The following SNX17 variants were observed in gnomAD, a reference collection of about 807,000 sequenced individuals.
SNX17 encodes the protein sorting nexin 17, also known as sorting nexin-17.
In SNX17, 35 loss-of-function variants were observed where a neutral mutation model predicts 64.3. That is an observed-to-expected ratio of 0.54 (90% confidence interval 0.42 to 0.72). The LOEUF is 0.72. SNX17 is among the 30% of genes least tolerant of loss of function. The probability of loss-of-function intolerance (pLI) is 0.00; values close to 1 mark genes in which losing one functional copy is unlikely to be tolerated. For missense variants in SNX17, 538 were observed against 610.0 expected, an observed-to-expected ratio of 0.88 and a Z score of 1.24; for synonymous variants, 259 against 230.2, an observed-to-expected ratio of 1.13 and a Z score of -1.13.
At chr2:27,376,204 G>C in intron 12 of SNX17, 21 bp downstream of exon 12, 2 of 1,613,912 alleles carry the variant, frequency 1.2e-6, no homozygotes, top group Non-Finnish European at 1.7e-6. Flanking sequence ...AGTGTGGACT[G>C]AGCAGTGAGC....
rs1361380486 is a variant in SNX17, at chr2:27,370,732, G to A, written c.-12G>A. ...ACAGTCCGGAGCCCGGCCGTGCCGT[G>A]CCGTAGGGAACATGCACTTTTCCAT... On this transcript the variant is annotated 5_prime_UTR_variant, in exon 1 of 15. Coordinates refer to ENST00000233575, the MANE Select transcript of SNX17 (RefSeq NM_014748.4). 1.3e-6 allele frequency: 2 copies of A among 1,547,740 alleles called. No individual in the cohort carries two copies. Among genetic ancestry groups the A allele is most frequent in the Admixed American group, 2.0e-5 (1 of 50,878 alleles).
intron 8 of SNX17, 90 bp from the exon 9 acceptor site, chr2:27,374,971 A>G (rs1683023182): frequency 1.6e-6 from 2 of 1,234,318 alleles, no homozygotes; most frequent in South Asian, 2.4e-5. Flanking sequence ...GTGTGGGGCT[A>G]GGGGTCAGGC....
chr2:27,373,813 G>A (rs1048166645), intron 4 of SNX17, 48 bp from the exon 5 acceptor site: 6 of 1,446,970 alleles, frequency 4.1e-6, no homozygotes, highest in Admixed American at 1.7e-5. Context: ...CATAGGTCAA[G>A]GCAAGGGACA....
At position 27,375,995 on chromosome 2, in the gene SNX17, C is replaced by G. The variant is rs909208156; in HGVS notation, c.1104+24C>G. 1.2e-6 allele frequency: 2 copies of G among 1,613,946 alleles called. No individual in the cohort carries two copies. The highest frequency in any genetic ancestry group is 1.3e-5 in the African/African-American group (1 of 75,030). ...AGGTGTGAACCTACCCTCAGCCCTC[C>G]TCTGGAGCACCTTAAAGTGTAGAGT... is the stretch of plus-strand genomic sequence containing the variant. On this transcript the variant is annotated intron_variant, in intron 11 of 14. Transcript: ENST00000233575. This position sits in a 1 kb window ranked among gnomAD's most constrained non-coding sequence, Gnocchi z 4.1.
chr2:27,374,765 T>C lies in SNX17; in HGVS notation c.681+7T>C. On this transcript the variant is annotated splice_region_variant and intron_variant, in intron 8 of 14. Coordinates refer to ENST00000233575, the MANE Select transcript of SNX17 (RefSeq NM_014748.4). The stretch of plus-strand genomic sequence containing the variant: ...GAACCTGCTTTATGCTCAGGTGAGC[T>C]TGGAGCTGCCTCAGAACCCTTCCCC... The C allele has an allele frequency of 6.2e-7, 1 of 1,613,678 alleles. No individual in the cohort carries two copies. The highest frequency in any genetic ancestry group is 1.6e-4 in the Middle Eastern group (1 of 6,062).
Position 27,370,747 on chromosome 2 carries a change from C to A in SNX17, c.4C>A (p.His2Asn). 1 of 1,549,460 alleles carries A rather than the reference C, an allele frequency of 6.5e-7. No individual in the cohort carries two copies. Among genetic ancestry groups the A allele is most frequent in the East Asian group, 2.4e-5 (1 of 40,974 alleles). Residue 2 changes from histidine (H) to asparagine (N), a missense_variant, in exon 1 of 15, where the codon CAC becomes AAC. Coordinates refer to ENST00000233575, the MANE Select transcript of SNX17 (RefSeq NM_014748.4). M[H>N]FSIPETESRS... The stretch of plus-strand genomic sequence containing the variant: ...GCCGTGCCGTGCCGTAGGGAACATG[C>A]ACTTTTCCATTCCCGAAACCGAGTC...
chr2:27,373,864 A>T lies in SNX17; in HGVS notation c.325A>T (p.Thr109Ser). The T allele has an allele frequency of 6.2e-7, 1 of 1,612,458 alleles. No individual in the cohort carries two copies. Among genetic ancestry groups the T allele is most frequent in the Non-Finnish European group, 8.5e-7 (1 of 1,179,430 alleles). The change falls in exon 5 of 15, where the codon ACA (threonine) becomes TCA (serine). Residue 109 changes from threonine (T) to serine (S), a missense_variant. Thr to Ser is a moderately conservative substitution (Grantham distance 58, BLOSUM62 1). This residue lies in a region of SNX17 where 505 missense variants were observed against 550.4 expected (regional missense o/e 0.92). Coordinates refer to ENST00000233575, the MANE Select transcript of SNX17 (RefSeq NM_014748.4). ...TCCCCATGTGTGCTCACAACAGGAG[A>T]CACAGCAGGTCCCCACAGAGGAAGT... ...NSFLRRAQQE[T>S]QQVPTEEVSL... is the part of the protein sequence containing the mutation.
chr2:27,375,366 C>G lies in SNX17; in HGVS notation c.775-140C>G. ...TGTTAGCCAGGATGGTCTTGAGCTC[C>G]TGACCTTGTGATCTGTCTGCCTCTG... On this transcript the variant is annotated intron_variant, in intron 9 of 14. Coordinates refer to ENST00000233575, the MANE Select transcript of SNX17 (RefSeq NM_014748.4). The surrounding 1 kb of genome is among the most constrained non-coding windows in gnomAD (Gnocchi z 4.1). 1 of 940,638 alleles carries G rather than the reference C, an allele frequency of 1.1e-6. No homozygotes were observed. The highest frequency in any genetic ancestry group is 2.6e-5 in the East Asian group (1 of 38,750). The allele number at this position is 940,638 out of a possible 1,614,324, so 58.3% of individuals were successfully genotyped here.
At position 27,376,636 on chromosome 2, in the gene SNX17, A is replaced by G. The variant is rs757690610; in HGVS notation, c.1330A>G (p.Ile444Val). 9 of 1,614,176 alleles carry G rather than the reference A, an allele frequency of 5.6e-6. No individual in the cohort carries two copies. In the South Asian group the frequency reaches 8.8e-5, roughly 16 times the overall value. Residue 444 changes from isoleucine to valine, a missense_variant, in exon 15 of 15, where the codon ATT becomes GTT. This residue lies in a region of SNX17 where 505 missense variants were observed against 550.4 expected (regional missense o/e 0.92). Transcript: ENST00000233575. ...SKLSAVSLRG[I>V]GSPSTDASAS... The stretch of plus-strand genomic sequence containing the variant: ...GCTGAGTGCCGTGAGCTTGCGGGGA[A>G]TTGGCAGTCCCAGCACAGATGCCAG...
Position 27,373,301 on chromosome 2 carries a change from G to C in SNX17, c.311G>C (p.Arg104Pro). Residue 104 changes from arginine (R) to proline (P), a missense_variant, in exon 4 of 15, where the codon CGG (arginine) becomes CCG (proline). Arg to Pro is a moderately radical substitution (Grantham distance 103, BLOSUM62 -2). Transcript: ENST00000233575. Reference sequence around the variant, plus strand: ...GAGACTTTCAACAGTTTCCTGCGTCGGGCACAACAGGTAGGGCTTTGGGTG... The same window carrying C: ...GAGACTTTCAACAGTTTCCTGCGTCCGGCACAACAGGTAGGGCTTTGGGTG... ...SSETFNSFLR[R>P]AQQETQQVPT... 1 of 1,614,174 alleles carries C rather than the reference G, an allele frequency of 6.2e-7. No individual in the cohort carries two copies. The highest frequency in any genetic ancestry group is 8.5e-7 in the Non-Finnish European group (1 of 1,180,020).
At chr2:27,372,504 C>G in intron 2 of SNX17, 119 bp from the exon 3 acceptor site, 1 of 1,416,770 alleles carries the variant, frequency 7.1e-7, no homozygotes, top group Non-Finnish European at 9.8e-7. Flanking sequence ...CCAGGGTAGA[C>G]AGGGGAACAG....
chr2:27,371,399 AT>A, intron 2 of SNX17, 56 bp downstream of exon 2: 1 of 1,566,918 alleles, frequency 6.4e-7, no homozygotes, highest in Non-Finnish European at 8.6e-7. Context: ...ACACGTGGAC[AT>A]CAGTGTCTCC....
chr2:27,373,052 G>A lies in SNX17; in HGVS notation c.257-195G>A, dbSNP rs780865456. ...GTTATTTCCCTAGTTCTATAGACTG[G>A]ACTCACCTAGATGGCAGCCAAGGGT... On this transcript the variant is annotated intron_variant, in intron 3 of 14. Transcript: ENST00000233575. The A allele has an allele frequency of 1.3e-5, 20 of 1,548,822 alleles. No homozygotes were observed. In the Admixed American group the frequency reaches 1.6e-4, roughly 12 times the overall value.
At chr2:27,371,213 C>T (rs1222005994) in intron 1 of SNX17, 56 bp from the exon 2 acceptor site, 21 of 1,522,992 alleles carry the variant, frequency 1.4e-5, no homozygotes, top group Non-Finnish European at 1.7e-5. Flanking sequence ...CCAGGGTTCT[C>T]AGGGGGGTTG....
chr2:27,376,357 C>A lies in SNX17; in HGVS notation c.1227C>A (p.Ser409Arg). 6.2e-7 allele frequency: 1 copy of A among 1,613,134 alleles called. No individual in the cohort carries two copies. The highest frequency in any genetic ancestry group is 8.5e-7 in the Non-Finnish European group (1 of 1,179,324). ...RVGGTLRRSD[S>R]QQAVKSPPLL... ...GGGGTACTCTGAGACGCTCAGACAG[C>A]CAGCAAGCAGTGAAGTCCCCACCAC... Residue 409 changes from serine (S) to arginine (R), a missense_variant, in exon 13 of 15, where the codon AGC (serine) becomes AGA (arginine). This residue lies in a region of SNX17 where 505 missense variants were observed against 550.4 expected (regional missense o/e 0.92). Coordinates refer to ENST00000233575, the MANE Select transcript of SNX17 (RefSeq NM_014748.4).
intron 1 of SNX17, 142 bp downstream of exon 1, chr2:27,370,948 C>G (rs551576333): frequency 1.0e-6 from 1 of 970,666 alleles, no homozygotes; most frequent in Non-Finnish European, 1.5e-6. Context: ...TCTCTGGGAG[C>G]TTATCTCATG....
Position 27,375,993 on chromosome 2 carries a change from T to C in SNX17, c.1104+22T>C. 1 of 1,613,886 alleles carries C rather than the reference T, an allele frequency of 6.2e-7. No individual in the cohort carries two copies. Among genetic ancestry groups the C allele is most frequent in the African/African-American group, 1.3e-5 (1 of 75,010 alleles). Reference sequence around the variant, plus strand: ...CCAGGTGTGAACCTACCCTCAGCCCTCCTCTGGAGCACCTTAAAGTGTAGA... The same window carrying C: ...CCAGGTGTGAACCTACCCTCAGCCCCCCTCTGGAGCACCTTAAAGTGTAGA... On this transcript the variant is annotated intron_variant, in intron 11 of 14. Transcript: ENST00000233575. This position sits in a 1 kb window ranked among gnomAD's most constrained non-coding sequence, Gnocchi z 4.1.
chr2:27,371,974 T>C (rs1436606613), intron 2 of SNX17, among the ~76,000 whole-genome samples: 1 of 152,190 alleles, frequency 6.6e-6, no homozygotes, highest in Admixed American at 6.5e-5. Context: ...AACCTCTGCC[T>C]CCTGGGTTCA....
Position 27,375,813 on chromosome 2 carries a change from G to C in SNX17, c.979-33G>C, listed in dbSNP as rs755855189. 4.3e-6 allele frequency: 7 copies of C among 1,612,236 alleles called. No individual in the cohort carries two copies. The highest frequency in any genetic ancestry group is 5.9e-6 in the Non-Finnish European group (7 of 1,179,156). On this transcript the variant is annotated intron_variant, in intron 10 of 14. Transcript: ENST00000233575. The surrounding 1 kb of genome is among the most constrained non-coding windows in gnomAD (Gnocchi z 4.1). ...CAGGGAGCCAGACAGGTTGGTCAGA[G>C]TGAACTCAACCGAATTCCCCTTCCT...
Sources: gnomAD v4.1 joint callset for allele counts (sites outside exome capture counted in the v4.1 genomes callset) on GRCh38, gnomAD v4.1.1 for gene constraint, gnomAD v4.1.1 regional missense constraint, Gnocchi (gnomAD v3.1) non-coding constraint, MANE v1.5 for transcripts, NCBI Gene and HGNC (gene_info 2026-07-23, HGNC 2026-07-21) for gene names.